ADAMTS17: variants seen among roughly 807,000 people sequenced by gnomAD.
ADAMTS17 encodes the protein A disintegrin and metalloproteinase with thrombospondin motifs 17.
In ADAMTS17, 113 loss-of-function variants were observed where a neutral mutation model predicts 141.5. That is an observed-to-expected ratio of 0.80 (90% CI 0.69 to 0.93). ADAMTS17 has a LOEUF of 0.93. ADAMTS17 is among the 40% of genes least tolerant of loss of function. The probability of loss-of-function intolerance (pLI) is 0.00; values close to 1 mark genes in which losing one functional copy is unlikely to be tolerated. For synonymous variants in ADAMTS17, 768 were observed against 630.6 expected (o/e 1.22, Z -3.27); for missense variants, 1,659 against 1,517.9 (o/e 1.09, Z -1.54).
chr15:100,031,779 G>A (rs2030192862), intron 18 of ADAMTS17, among the ~76,000 whole-genome samples: 1 of 152,188 alleles, frequency 6.6e-6, no homozygotes, highest in African/African-American at 2.4e-5. Flanking sequence ...CTAAGCTCTA[G>A]GCGCTGCTGG....
At chr15:100,140,450 A>G (rs1351778746) in intron 10 of ADAMTS17, among the ~76,000 whole-genome samples, 1 of 136,680 alleles carries the variant, frequency 7.3e-6, no homozygotes, top group South Asian at 2.5e-4. Flanking sequence ...GACTAACTCC[A>G]AGACACACAC....
chr15:100,067,978 G>A (rs921125430), intron 15 of ADAMTS17, among the ~76,000 whole-genome samples: 6 of 152,194 alleles, frequency 3.9e-5, no homozygotes, highest in Non-Finnish European at 7.3e-5. Context: ...GGAAGCGCAA[G>A]GGGTCAGGGA....
intron 10 of ADAMTS17, among the ~76,000 whole-genome samples, chr15:100,144,804 A>C (rs2038823973): frequency 6.6e-6 from 1 of 151,776 alleles, no homozygotes; most frequent in African/African-American, 2.4e-5. Flanking sequence ...CCCCGAGACC[A>C]GGGAGGCCTC....
At position 100,190,583 on chromosome 15, in the gene ADAMTS17, G is replaced by T. The variant is rs75141948; in HGVS notation, c.1181+8735C>A. 9.9e-4 allele frequency among the ~76,000 whole-genome samples: 151 copies of T among 152,344 alleles called. 5 individuals carry two copies. The East Asian group carries it at 0.023, about 23-fold the overall frequency. On this transcript the variant is annotated intron_variant, in intron 8 of 21. Coordinates refer to ENST00000268070, the MANE Select transcript of ADAMTS17 (RefSeq NM_139057.4). ...AAGAGAATGGTTGACCGGAGCAAGG[G>T]CACAGGGACAGCAGGAGGAACCCCA...
intron 7 of ADAMTS17, among the ~76,000 whole-genome samples, chr15:100,200,996 G>A (rs556974109): frequency 6.6e-6 from 1 of 152,350 alleles, no homozygotes; most frequent in Admixed American, 6.5e-5. Context: ...AGGAGGGAAG[G>A]AGTTGGCAGA....
intron 4 of ADAMTS17, among the ~76,000 whole-genome samples, chr15:100,263,287 C>G (rs761722761): frequency 1.3e-5 from 2 of 152,124 alleles, no homozygotes; most frequent in Non-Finnish European, 2.9e-5. Context: ...ACACAGAAAC[C>G]AGTTCATCGA....
chr15:100,327,268 G>C (rs1032708452), intron 3 of ADAMTS17, among the ~76,000 whole-genome samples: 17 of 152,192 alleles, frequency 1.1e-4, no homozygotes, highest in African/African-American at 3.9e-4. Flanking sequence ...CAGAGTTATA[G>C]TATCCACCAA....
intron 3 of ADAMTS17, among the ~76,000 whole-genome samples, chr15:100,289,306 C>A (rs1321836405): frequency 1.3e-5 from 2 of 152,096 alleles, no homozygotes; most frequent in African/African-American, 4.8e-5. Flanking sequence ...AAACTGAATC[C>A]CTGAAAAAAC....
Position 100,094,370 on chromosome 15 carries a change from C to T in ADAMTS17, c.2137+1986G>A, listed in dbSNP as rs372469141. Among the ~76,000 whole-genome samples the T allele has an allele frequency of 1.6e-4, 24 of 152,138 alleles. No individual in the cohort carries two copies. In the East Asian group the frequency reaches 1.9e-3, roughly 12 times the overall value. On this transcript the variant is annotated intron_variant, in intron 15 of 21. Coordinates refer to ENST00000268070, the MANE Select transcript of ADAMTS17 (RefSeq NM_139057.4). ...TTCCAGACAGGGATGTGGCCCAGGC[C>T]GGAGTGGATGGAGAAGGGAAAGGGG...
rs377212581 is a variant in ADAMTS17, at chr15:100,281,241, G to C, written c.777C>G (p.Thr259=). ...GAEAAQRFIL[T]VMNMVYNMFQ... ...GCTCCGGACTCACCATGTTCATGAC[G>C]GTCAGGATGAACCTCTGGGCGGCCT... Residue 259 remains threonine, a synonymous_variant, in exon 4 of 22, where the codon ACC becomes ACG. Transcript: ENST00000268070. The C allele has an allele frequency of 1.2e-6, 2 of 1,605,526 alleles. No individual in the cohort carries two copies. The highest frequency in any genetic ancestry group is 1.7e-6 in the Non-Finnish European group (2 of 1,179,954).
intron 2 of ADAMTS17, chr15:100,339,226 G>A (rs1450992492): frequency 6.4e-6 from 6 of 930,818 alleles, no homozygotes; most frequent in African/African-American, 3.6e-5. Flanking sequence ...TGGCTGAGAT[G>A]CCATCTATGA....
intron 8 of ADAMTS17, among the ~76,000 whole-genome samples, chr15:100,180,382 G>T (rs2040482048): frequency 6.6e-6 from 1 of 152,154 alleles, no homozygotes; most frequent in Admixed American, 6.5e-5. Context: ...CTGTGTATCT[G>T]TTTTAAATGC....
chr15:100,018,881 G>T (rs750009860), intron 18 of ADAMTS17, among the ~76,000 whole-genome samples: 1 of 152,186 alleles, frequency 6.6e-6, no homozygotes, highest in Non-Finnish European at 1.5e-5. Flanking sequence ...TGGGAGAAAT[G>T]TTCTCACACG....
intron 15 of ADAMTS17, among the ~76,000 whole-genome samples, chr15:100,085,006 G>A (rs1236938853): frequency 6.6e-6 from 1 of 152,190 alleles, no homozygotes; most frequent in Non-Finnish European, 1.5e-5. Context: ...TGACTTTGAT[G>A]AGCTGACAGA....
intron 3 of ADAMTS17, among the ~76,000 whole-genome samples, chr15:100,296,368 C>T (rs2044811814): frequency 6.6e-6 from 1 of 152,098 alleles, no homozygotes. Context: ...TGAAGTTTTC[C>T]ACAGCTGCAT....
chr15:100,293,049 G>A lies in ADAMTS17; in HGVS notation c.617-11648C>T, dbSNP rs143977716. ...TTAATTATATCTTATAGGAACCTTC[G>A]AAAATGCCAAAGGGCCTAAAATTAA... On this transcript the variant is annotated intron_variant, in intron 3 of 21. Transcript: ENST00000268070. Among the ~76,000 whole-genome samples, 683 of 152,260 alleles carry A rather than the reference G, an allele frequency of 4.5e-3. 6 individuals carry two copies. The highest frequency in any genetic ancestry group is 0.016 in the African/African-American group (645 of 41,526).
intron 3 of ADAMTS17, among the ~76,000 whole-genome samples, chr15:100,301,475 C>T (rs1260529195): frequency 6.6e-6 from 1 of 151,302 alleles, no homozygotes; most frequent in Non-Finnish European, 1.5e-5. Flanking sequence ...CAGGCGCCCA[C>T]CACCACACCG....
chr15:100,090,966 C>A (rs1189138535), intron 15 of ADAMTS17, among the ~76,000 whole-genome samples: 1 of 146,562 alleles, frequency 6.8e-6, no homozygotes, highest in Non-Finnish European at 1.5e-5. Flanking sequence ...CGAGATCGTG[C>A]CACTGCATTC....
chr15:100,277,536 G>T (rs542472833), intron 4 of ADAMTS17, among the ~76,000 whole-genome samples: 26 of 151,698 alleles, frequency 1.7e-4, no homozygotes, highest in Non-Finnish European at 2.8e-4. Flanking sequence ...ATTAAAAAAA[G>T]AGAGAGAGAT....
Sources: allele counts gnomAD v4.1 joint callset (sites outside exome capture counted in the v4.1 genomes callset), GRCh38; gene constraint gnomAD v4.1.1; transcripts MANE v1.5; gene names NCBI Gene and HGNC (gene_info 2026-07-23, HGNC 2026-07-21).